The following IGF1R variants were observed in gnomAD, a reference collection of about 807,000 sequenced individuals.
IGF1R encodes the protein insulin like growth factor 1 receptor.
A neutral mutation model predicts 144.6 loss-of-function variants in IGF1R; 44 were observed. That is an observed-to-expected ratio of 0.30 (90% CI 0.24 to 0.39). The LOEUF is 0.39. IGF1R is among the 10% of genes least tolerant of loss of function. The probability of loss-of-function intolerance (pLI) is 1.00; values close to 1 mark genes in which losing one functional copy is unlikely to be tolerated. For missense variants in IGF1R, 1,355 were observed against 1,833.7 expected (o/e 0.74, Z 4.77); for synonymous variants, 795 against 722.8 (o/e 1.10, Z -1.60).
intron 2 of IGF1R, among the ~76,000 whole-genome samples, chr15:98,770,446 C>T (rs2055556566): frequency 6.6e-6 from 1 of 152,100 alleles, no homozygotes. Flanking sequence ...TGTATATTTC[C>T]AAATAGCTAG....
chr15:98,746,313 C>G lies in IGF1R; in HGVS notation c.640+38206C>G, dbSNP rs553508982. Among the ~76,000 whole-genome samples the G allele has an allele frequency of 1.8e-4, 27 of 152,296 alleles. No homozygotes were observed. In the South Asian group the frequency reaches 3.5e-3, roughly 20 times the overall value. The stretch of plus-strand genomic sequence containing the variant: ...ACATCTTTGTATCATTTTTAAAAGT[C>G]TGTGCTTGCATTATGTATCAAAACT... On this transcript the variant is annotated intron_variant, in intron 2 of 20. Transcript: ENST00000650285.
At chr15:98,841,378 A>C (rs1209493858) in intron 2 of IGF1R, among the ~76,000 whole-genome samples, 1 of 152,206 alleles carries the variant, frequency 6.6e-6, no homozygotes, top group Non-Finnish European at 1.5e-5. Flanking sequence ...AAGTATGGAA[A>C]ATAATTGCAT....
chr15:98,815,251 T>A (rs2056671898), intron 2 of IGF1R, among the ~76,000 whole-genome samples: 1 of 152,252 alleles, frequency 6.6e-6, no homozygotes, highest in Admixed American at 6.5e-5. Flanking sequence ...ACTTTCTGGA[T>A]GAGGTCGAAA....
At chr15:98,730,050 A>G (rs1596243430) in intron 2 of IGF1R, among the ~76,000 whole-genome samples, 2 of 152,228 alleles carry the variant, frequency 1.3e-5, no homozygotes, top group Non-Finnish European at 2.9e-5. Context: ...TTTCTCAAAT[A>G]TGGTTCTGTT....
intron 2 of IGF1R, among the ~76,000 whole-genome samples, chr15:98,843,673 A>G (rs1468915888): frequency 6.6e-6 from 1 of 152,202 alleles, no homozygotes. Flanking sequence ...AGAAAAACTC[A>G]CCCATTTGAG....
At chr15:98,654,008 CAG>C (rs1184803927) in intron 1 of IGF1R, among the ~76,000 whole-genome samples, 2 of 152,264 alleles carry the variant, frequency 1.3e-5, no homozygotes, top group African/African-American at 4.8e-5. Context: ...CATGAACCTG[CAG>C]AGTCTTGCAT....
intron 2 of IGF1R, among the ~76,000 whole-genome samples, chr15:98,834,647 A>T (rs1354179866): frequency 2.6e-5 from 4 of 152,210 alleles, no homozygotes; most frequent in Non-Finnish European, 5.9e-5. Flanking sequence ...CTCTCTGAGA[A>T]TCCTTTGCAG....
intron 20 of IGF1R, among the ~76,000 whole-genome samples, chr15:98,954,629 T>C (rs1029030446): frequency 6.6e-6 from 1 of 152,052 alleles, no homozygotes; most frequent in African/African-American, 2.4e-5. Flanking sequence ...CTCGCTGCTC[T>C]CCTGTGGCAC....
intron 13 of IGF1R, 125 bp downstream of exon 13, chr15:98,924,809 G>A: frequency 2.2e-6 from 2 of 908,106 alleles, no homozygotes; most frequent in South Asian, 1.4e-5. Context: ...GCTTCCAGAA[G>A]GGTCATGCTA....
chr15:98,930,467 TA>T (rs1457574338), intron 15 of IGF1R, among the ~76,000 whole-genome samples, 162 bp downstream of exon 15: 5 of 152,110 alleles, frequency 3.3e-5, no homozygotes, highest in South Asian at 2.1e-4. Context: ...TTTTTTTTTT[TA>T]ATCAAAGTTT....
chr15:98,787,594 TCTTAAAACAGAGAC>T lies in IGF1R; in HGVS notation c.640+79500_640+79513del, dbSNP rs574400441. ...AAACAGAGACCTCTCACCCTAGGTC[TCTTAAAACAGAGAC>T]CTTAAAACAGAGTATTGATCCTTAA... On this transcript the variant is annotated intron_variant, in intron 2 of 20. Coordinates refer to ENST00000650285, the MANE Select transcript of IGF1R (RefSeq NM_000875.5). Among the ~76,000 whole-genome samples the T allele has an allele frequency of 1.5e-3, 232 of 152,174 alleles. 2 individuals are homozygous for T. Among genetic ancestry groups the T allele is most frequent in the African/African-American group, 5.3e-3 (222 of 41,526 alleles).
chr15:98,818,516 G>T (rs529505465), intron 2 of IGF1R, among the ~76,000 whole-genome samples: 2 of 152,042 alleles, frequency 1.3e-5, no homozygotes, highest in Admixed American at 1.3e-4. Context: ...GCTTGAACCA[G>T]TGCTGGGTTT....
chr15:98,711,025 A>G (rs2053979630), intron 2 of IGF1R, among the ~76,000 whole-genome samples: 2 of 152,158 alleles, frequency 1.3e-5, no homozygotes, highest in African/African-American at 4.8e-5. Flanking sequence ...TGTGGCTTGC[A>G]TTCTGTGTTG....
Position 98,959,675 on chromosome 15 carries a change from A to C in IGF1R, c.*2233A>C. 1 of 233,710 alleles carries C rather than the reference A, an allele frequency of 4.3e-6. No individual in the cohort carries two copies. The highest frequency in any genetic ancestry group is 8.5e-6 in the Non-Finnish European group (1 of 118,020). 14.5% of individuals were successfully genotyped at this position (233,710 alleles called of 1,614,324 possible). On this transcript the variant is annotated 3_prime_UTR_variant, in exon 21 of 21. Transcript: ENST00000650285. ...TTTAGCACTTCTCACCAGAGAGATG[A>C]CAGCACAAGAGTTGCTTCTGGGATA...
At chr15:98,809,537 C>T (rs925654617) in intron 2 of IGF1R, among the ~76,000 whole-genome samples, 2 of 152,136 alleles carry the variant, frequency 1.3e-5, no homozygotes, top group South Asian at 2.1e-4. Context: ...GAACTGGCAG[C>T]GCGTTGGCAT....
chr15:98,880,693 A>G (rs1174948679), intron 2 of IGF1R: 1 of 152,244 alleles, frequency 6.6e-6, no homozygotes, highest in Admixed American at 6.5e-5. Flanking sequence ...AAGACATCAT[A>G]GTGGTACCAT....
chr15:98,737,100 C>T (rs2054629422), intron 2 of IGF1R, among the ~76,000 whole-genome samples: 1 of 152,300 alleles, frequency 6.6e-6, no homozygotes, highest in African/African-American at 2.4e-5. Context: ...TTGAGAGGGA[C>T]ACCCCCTCTA....
intron 2 of IGF1R, among the ~76,000 whole-genome samples, chr15:98,755,342 A>T (rs2055121719): frequency 6.6e-6 from 1 of 152,116 alleles, no homozygotes; most frequent in African/African-American, 2.4e-5. Context: ...ATGGACAGTC[A>T]TGTGGTTTCT....
chr15:98,848,745 CCTT>C (rs1340690646), intron 2 of IGF1R, among the ~76,000 whole-genome samples: 1 of 152,178 alleles, frequency 6.6e-6, no homozygotes, highest in African/African-American at 2.4e-5. Flanking sequence ...CCCATTGTGT[CCTT>C]CTAAAGGCAC....
Sources: gnomAD v4.1 joint callset for allele counts (sites outside exome capture counted in the v4.1 genomes callset) on GRCh38, gnomAD v4.1.1 for gene constraint, MANE v1.5 for transcripts, NCBI Gene and HGNC (gene_info 2026-07-23, HGNC 2026-07-21) for gene names.